The following MIPEP variants were observed in gnomAD, a reference collection of about 807,000 sequenced individuals.
MIPEP encodes the protein mitochondrial intermediate peptidase.
MIPEP carries 79 observed loss-of-function variants against 90.3 expected under a neutral mutation model. That is an observed-to-expected ratio of 0.87 (90% confidence interval 0.73 to 1.05). MIPEP has a LOEUF of 1.05. MIPEP is among the 50% of genes least tolerant of loss of function. The probability of loss-of-function intolerance (pLI) is 0.00; values close to 1 mark genes in which losing one functional copy is unlikely to be tolerated. For synonymous variants in MIPEP, 334 were observed against 315.8 expected (o/e 1.06, Z -0.61); for missense variants, 940 against 905.6 (o/e 1.04, Z -0.49).
intron 16 of MIPEP, among the ~76,000 whole-genome samples, chr13:23,762,529 C>A (rs1250133985): frequency 6.6e-6 from 1 of 152,132 alleles, no homozygotes; most frequent in African/African-American, 2.4e-5. Context: ...GGGGGCAGCA[C>A]CTCAGAGACA....
At chr13:23,733,881 C>A (rs1438059096) in intron 18 of MIPEP, among the ~76,000 whole-genome samples, 1 of 152,106 alleles carries the variant, frequency 6.6e-6, no homozygotes, top group Non-Finnish European at 1.5e-5. Flanking sequence ...TCTATTTGTG[C>A]AATTAAAGTT....
intron 18 of MIPEP, among the ~76,000 whole-genome samples, chr13:23,742,555 G>C (rs961312708): frequency 6.6e-6 from 1 of 152,130 alleles, no homozygotes; most frequent in African/African-American, 2.4e-5. Flanking sequence ...AATCAGACCC[G>C]AAGATTTATG....
chr13:23,801,585 T>C (rs768917000), intron 16 of MIPEP, among the ~76,000 whole-genome samples: 1 of 152,242 alleles, frequency 6.6e-6, no homozygotes, highest in Non-Finnish European at 1.5e-5. Context: ...TCCTATGAAT[T>C]CTGTGCTTAT....
chr13:23,788,409 G>A (rs538944873), intron 16 of MIPEP, among the ~76,000 whole-genome samples: 2 of 152,320 alleles, frequency 1.3e-5, no homozygotes, highest in South Asian at 2.1e-4. Context: ...CGCACTATCA[G>A]TATTTAGGAA....
chr13:23,883,852 T>C (rs1255569810), intron 2 of MIPEP, among the ~76,000 whole-genome samples: 1 of 152,122 alleles, frequency 6.6e-6, no homozygotes, highest in African/African-American at 2.4e-5. Context: ...AGCTTCCCCA[T>C]CATTCAAAGA....
intron 3 of MIPEP, among the ~76,000 whole-genome samples, chr13:23,880,426 A>T (rs182304174): frequency 2.6e-5 from 4 of 152,194 alleles, no homozygotes; most frequent in African/African-American, 9.6e-5. Flanking sequence ...GGTTTAAGGA[A>T]ATCTCCCAGT....
chr13:23,786,720 G>A (rs1952845022), intron 16 of MIPEP, among the ~76,000 whole-genome samples: 1 of 152,110 alleles, frequency 6.6e-6, no homozygotes, highest in African/African-American at 2.4e-5. Flanking sequence ...CATTTGTGGA[G>A]CATCAGATTG....
intron 16 of MIPEP, among the ~76,000 whole-genome samples, chr13:23,786,448 AAAC>A (rs1212888455): frequency 1.3e-5 from 2 of 152,206 alleles, no homozygotes; most frequent in Admixed American, 1.3e-4. Flanking sequence ...CATACAAGCA[AAAC>A]AACAAAAATA....
intron 11 of MIPEP, among the ~76,000 whole-genome samples, chr13:23,840,149 C>T (rs1035568575): frequency 5.9e-5 from 9 of 152,202 alleles, no homozygotes. Context: ...CAGCTCCCAG[C>T]TTGAGTTAAA....
intron 4 of MIPEP, 33 bp downstream of exon 4, chr13:23,879,235 A>C: frequency 1.5e-6 from 2 of 1,305,566 alleles, no homozygotes; most frequent in Admixed American, 3.5e-5. Flanking sequence ...CTAGAGTCAC[A>C]GTCACAATCA....
chr13:23,794,920 G>A (rs1411389813), intron 16 of MIPEP, among the ~76,000 whole-genome samples: 2 of 152,126 alleles, frequency 1.3e-5, no homozygotes, highest in African/African-American at 4.8e-5. Flanking sequence ...AACCTAGCAT[G>A]ACACAGAAAG....
intron 7 of MIPEP, among the ~76,000 whole-genome samples, chr13:23,866,916 C>A (rs1870565924): frequency 6.6e-6 from 1 of 152,166 alleles, no homozygotes; most frequent in South Asian, 2.1e-4. Flanking sequence ...CACTCTCTTT[C>A]TAGTTGCTTA....
At chr13:23,884,586 T>C (rs547134217) in intron 2 of MIPEP, among the ~76,000 whole-genome samples, 3 of 152,310 alleles carry the variant, frequency 2.0e-5, no homozygotes, top group East Asian at 3.9e-4. Flanking sequence ...CATCACCCAG[T>C]GCCTTTCTTC....
At chr13:23,778,730 A>ATAC (rs113074136) in intron 16 of MIPEP, among the ~76,000 whole-genome samples, 3 of 151,868 alleles carry the variant, frequency 2.0e-5, no homozygotes, top group African/African-American at 7.3e-5. Context: ...AATAATAATA[A>ATAC]TACATGACAT....
chr13:23,815,073 AAC>A (rs1321591378), intron 14 of MIPEP, among the ~76,000 whole-genome samples: 1 of 152,244 alleles, frequency 6.6e-6, no homozygotes, highest in Non-Finnish European at 1.5e-5. Context: ...CATCAGGTTT[AAC>A]ACAGATACTG....
intron 14 of MIPEP, among the ~76,000 whole-genome samples, chr13:23,810,880 T>C (rs1953163910): frequency 1.3e-5 from 2 of 152,222 alleles, no homozygotes; most frequent in African/African-American, 4.8e-5. Flanking sequence ...AGACATAGAA[T>C]CTGCTGACTG....
chr13:23,887,924 T>C (rs1383220168), intron 1 of MIPEP, among the ~76,000 whole-genome samples: 1 of 152,180 alleles, frequency 6.6e-6, no homozygotes, highest in African/African-American at 2.4e-5. Flanking sequence ...TGATTTAATT[T>C]GATTCAAGCA....
chr13:23,769,693 T>C (rs1952629474), intron 16 of MIPEP, among the ~76,000 whole-genome samples: 1 of 152,148 alleles, frequency 6.6e-6, no homozygotes, highest in Admixed American at 6.5e-5. Context: ...CTCTACCCTG[T>C]TAGATAAACT....
intron 3 of MIPEP, among the ~76,000 whole-genome samples, 175 bp downstream of exon 3, chr13:23,881,524 C>T (rs1391920411): frequency 6.6e-6 from 1 of 152,232 alleles, no homozygotes; most frequent in Non-Finnish European, 1.5e-5. Flanking sequence ...TGCCTGCCTG[C>T]GAGGTGAGCC....
Sources: gnomAD v4.1 joint callset for allele counts (sites outside exome capture counted in the v4.1 genomes callset) on GRCh38, gnomAD v4.1.1 for gene constraint, MANE v1.5 for transcripts, NCBI Gene and HGNC (gene_info 2026-07-23, HGNC 2026-07-21) for gene names.